Variants in DPYD observed in about 807,000 individuals in gnomAD.
DPYD encodes dihydropyrimidine dehydrogenase [NADP(+)].
In DPYD, 109 loss-of-function variants were observed where a neutral mutation model predicts 116.2. The observed-to-expected ratio is 0.94, with a 90% confidence interval of 0.80 to 1.10. The LOEUF (loss-of-function observed/expected upper bound fraction) is 1.10, where lower values mean the gene tolerates loss of function less well. Among genes scored for constraint, DPYD ranks in the 50% least tolerant of loss-of-function variants. The pLI, the probability that DPYD is intolerant of heterozygous loss-of-function variation, is 0.00. For missense variants in DPYD, 1,302 were observed against 1,254.5 expected, an observed-to-expected ratio of 1.04 and a Z score of -0.57; for synonymous variants, 440 against 432.0, an observed-to-expected ratio of 1.02 and a Z score of -0.23.
chr1:97,512,356 G>A (rs1647862688), intron 13 of DPYD, among the ~76,000 whole-genome samples: 1 of 151,812 alleles, frequency 6.6e-6, no homozygotes, highest in South Asian at 2.1e-4. Flanking sequence ...ATTCATTTGA[G>A]ATATTTTCAT....
intron 19 of DPYD, among the ~76,000 whole-genome samples, chr1:97,199,061 C>T (rs1338616905): frequency 6.6e-6 from 1 of 152,124 alleles, no homozygotes; most frequent in Non-Finnish European, 1.5e-5. Flanking sequence ...TGGATGGTAA[C>T]AGAGGGTTGT....
chr1:97,897,658 G>C (rs1275706375), intron 1 of DPYD, among the ~76,000 whole-genome samples: 1 of 151,724 alleles, frequency 6.6e-6, no homozygotes, highest in Non-Finnish European at 1.5e-5. Context: ...ATATTATCCA[G>C]TGTGTTTTTC....
chr1:97,741,455 C>T (rs971428746), intron 3 of DPYD, among the ~76,000 whole-genome samples: 1 of 152,098 alleles, frequency 6.6e-6, no homozygotes, highest in African/African-American at 2.4e-5. Flanking sequence ...AGTTACTGAC[C>T]TGGGAATCCG....
At chr1:97,624,325 A>G (rs1049584888) in intron 8 of DPYD, among the ~76,000 whole-genome samples, 5 of 152,070 alleles carry the variant, frequency 3.3e-5, no homozygotes, top group Non-Finnish European at 7.4e-5. Flanking sequence ...CTAAATAGAC[A>G]TTTCTCAAAA....
intron 18 of DPYD, among the ~76,000 whole-genome samples, chr1:97,261,756 T>A (rs1200808777): frequency 6.6e-6 from 1 of 152,014 alleles, no homozygotes; most frequent in African/African-American, 2.4e-5. Context: ...ATAATAGCTC[T>A]ATGAAGTCTG....
chr1:97,721,724 A>G, intron 4 of DPYD, 53 bp from the exon 5 acceptor site: 1 of 1,537,384 alleles, frequency 6.5e-7, no homozygotes, highest in Non-Finnish European at 8.9e-7. Context: ...TACTTTAAAC[A>G]GCCAAATTAC....
Position 97,130,803 on chromosome 1 carries a change from CTCTT to C in DPYD, c.2623-32175_2623-32172del, listed in dbSNP as rs201902995. ...TTTCCTTCCCTCCTTCCCTCTCTCC[CTCTT>C]TCTTTCTTTCTTCCTTTCTTTCTTC... On this transcript the variant is annotated intron_variant, in intron 20 of 22. Transcript: ENST00000370192. 3.5e-3 allele frequency among the ~76,000 whole-genome samples: 111 copies of C among 32,130 alleles called. 5 individuals carry two copies. The highest frequency in any genetic ancestry group is 0.016 in the African/African-American group (75 of 4,770). The allele number at this position is 32,130 out of a possible 152,430, so 21.1% of individuals were successfully genotyped here. A position where few individuals can be genotyped will look rare whatever the true frequency, so the allele number is the denominator to read the frequency against.
intron 3 of DPYD, among the ~76,000 whole-genome samples, chr1:97,826,620 T>C (rs1187708170): frequency 6.6e-6 from 1 of 152,168 alleles, no homozygotes; most frequent in Non-Finnish European, 1.5e-5. Context: ...AAATGTTAAA[T>C]TTATAGCAGT....
intron 1 of DPYD, among the ~76,000 whole-genome samples, chr1:97,883,684 C>A (rs749239327): frequency 5.3e-5 from 8 of 151,870 alleles, no homozygotes; most frequent in Admixed American, 3.3e-4. Flanking sequence ...TGGTCTCAAG[C>A]GATCCACCTG....
intron 10 of DPYD, chr1:97,586,274 G>A (rs1378871395): frequency 6.6e-6 from 1 of 151,264 alleles, no homozygotes; most frequent in East Asian, 1.9e-4. Flanking sequence ...ACATAAGATA[G>A]AAACGATAGA....
At chr1:97,889,469 A>G (rs575904173) in intron 1 of DPYD, among the ~76,000 whole-genome samples, 1 of 152,086 alleles carries the variant, frequency 6.6e-6, no homozygotes, top group Non-Finnish European at 1.5e-5. Flanking sequence ...TGCAGTGCCC[A>G]TACTAATATC....
intron 8 of DPYD, among the ~76,000 whole-genome samples, chr1:97,597,289 T>C (rs1654949667): frequency 6.6e-6 from 1 of 152,208 alleles, no homozygotes; most frequent in Non-Finnish European, 1.5e-5. Context: ...CCTCCTCCTC[T>C]ACCTGGGTGA....
intron 13 of DPYD, among the ~76,000 whole-genome samples, chr1:97,462,305 C>T (rs2101826569): frequency 1.3e-5 from 2 of 152,276 alleles, no homozygotes; most frequent in South Asian, 2.1e-4. Flanking sequence ...AGATAATACA[C>T]TTCTCAGTTC....
At chr1:97,566,538 G>A (rs1446350855) in intron 11 of DPYD, among the ~76,000 whole-genome samples, 1 of 151,786 alleles carries the variant, frequency 6.6e-6, no homozygotes, top group African/African-American at 2.4e-5. Flanking sequence ...CTAATGTTTT[G>A]CCATTAGTCA....
intron 16 of DPYD, among the ~76,000 whole-genome samples, chr1:97,358,584 C>A (rs1420985767): frequency 6.6e-6 from 1 of 152,098 alleles, no homozygotes; most frequent in Non-Finnish European, 1.5e-5. Context: ...GGCAGCTGCC[C>A]CTCTGGGACG....
intron 19 of DPYD, among the ~76,000 whole-genome samples, chr1:97,195,634 G>GTATGTGTATATATATA (rs1557929548): frequency 5.2e-5 from 3 of 57,732 alleles, no homozygotes; most frequent in Non-Finnish European, 9.9e-5. Flanking sequence ...ATATGTATGT[G>GTATGTGTATATATATA]TATATATATA....
intron 3 of DPYD, among the ~76,000 whole-genome samples, chr1:97,781,746 C>G (rs948792887): frequency 4.6e-5 from 7 of 152,056 alleles, no homozygotes; most frequent in Non-Finnish European, 1.0e-4. Context: ...CTAAAGAAAC[C>G]CTAAAAATTA....
intron 16 of DPYD, among the ~76,000 whole-genome samples, chr1:97,341,839 G>T (rs573436843): frequency 6.6e-6 from 1 of 152,158 alleles, no homozygotes; most frequent in Non-Finnish European, 1.5e-5. Flanking sequence ...TCCTGGAGTC[G>T]ATTCCATGTT....
chr1:97,523,508 T>A lies in DPYD; in HGVS notation c.1525-7567A>T, dbSNP rs188694757. ...CATCTGCAAGTTCCTTCAAGCTTCT[T>A]TACTACATACAGAATAAAGCAGAAC... On this transcript the variant is annotated intron_variant, in intron 12 of 22. Coordinates refer to ENST00000370192, the MANE Select transcript of DPYD (RefSeq NM_000110.4). Among the ~76,000 whole-genome samples, 716 of 152,274 alleles carry A rather than the reference T, an allele frequency of 4.7e-3. 2 individuals are homozygous for A. Among genetic ancestry groups the A allele is most frequent in the African/African-American group, 0.016 (680 of 41,552 alleles).
Sources: allele counts gnomAD v4.1 joint callset (sites outside exome capture counted in the v4.1 genomes callset), GRCh38; gene constraint gnomAD v4.1.1; transcripts MANE v1.5; gene names NCBI Gene and HGNC (gene_info 2026-07-23, HGNC 2026-07-21).